The following RBBP4 variants were observed in gnomAD, a reference collection of about 807,000 sequenced individuals.
RBBP4 encodes RB binding protein 4, chromatin remodeling factor.
Under a neutral mutation model 57.2 loss-of-function variants are expected in RBBP4, and 3 were observed. That is an observed-to-expected ratio of 0.05 (90% CI 0.02 to 0.14). The LOEUF is 0.14. RBBP4 is among the 10% of genes least tolerant of loss of function. The pLI is 1.00. For synonymous variants in RBBP4, 151 were observed against 171.5 expected (o/e 0.88, Z 0.93); for missense variants, 107 against 520.6 (o/e 0.21, Z 7.73).
intron 3 of RBBP4, chr1:32,662,176 G>A (rs1307083708): frequency 3.2e-6 from 1 of 309,710 alleles, no homozygotes; most frequent in Non-Finnish European, 6.6e-6. Flanking sequence ...GAGCCACCGC[G>A]CCCGGGTTTT....
chr1:32,668,924 G>C (rs747765068), intron 5 of RBBP4, 48 bp from the exon 6 acceptor site: 3 of 1,612,696 alleles, frequency 1.9e-6, no homozygotes, highest in Admixed American at 1.7e-5. Flanking sequence ...GGGGTGTGTG[G>C]GGAGGTGAGA....
In RBBP4 at chr1:32,685,771, A is replaced by G. The variant is rs1206834833; in HGVS notation, c.*6066A>G. The G allele has an allele frequency of 6.6e-6, 1 of 152,272 alleles. No homozygotes were observed. The highest frequency in any genetic ancestry group is 1.9e-4 in the East Asian group (1 of 5,202). The allele number at this position is 152,272 out of a possible 1,614,324, so 9.4% of individuals were successfully genotyped here. ...GTACATGCTTGGAAAAGCAGTCTGCACCACCAGTGATAAGCTGTGACAGAG... is the reference window on the plus strand; with the variant it reads ...GTACATGCTTGGAAAAGCAGTCTGCGCCACCAGTGATAAGCTGTGACAGAG... On this transcript the variant is annotated 3_prime_UTR_variant, in exon 12 of 12. Coordinates refer to ENST00000373493, the MANE Select transcript of RBBP4 (RefSeq NM_005610.3).
chr1:32,683,796 C>G lies in RBBP4; in HGVS notation c.*4091C>G. 1 of 518,800 alleles carries G rather than the reference C, an allele frequency of 1.9e-6. No homozygotes were observed. 32.1% of individuals were successfully genotyped at this position (518,800 alleles called of 1,614,324 possible). ...TATAAGTGCCTGCCACTATGCCCGG[C>G]TAATTTTTGTATTTTTAGTGGAGAT... On this transcript the variant is annotated 3_prime_UTR_variant, in exon 12 of 12. Transcript: ENST00000373493.
intron 3 of RBBP4, among the ~76,000 whole-genome samples, chr1:32,661,624 A>G (rs1178211881): frequency 1.3e-5 from 2 of 151,716 alleles, no homozygotes; most frequent in Non-Finnish European, 2.9e-5. Flanking sequence ...ATCTCCACAG[A>G]CTGCTTTTCA....
At chr1:32,666,685 G>C (rs1648662248) in intron 3 of RBBP4, among the ~76,000 whole-genome samples, 1 of 152,158 alleles carries the variant, frequency 6.6e-6, no homozygotes, top group Non-Finnish European at 1.5e-5. Flanking sequence ...TGTTTTTGAA[G>C]TATGTGGGCG....
chr1:32,672,043 G>C (rs1177797468), intron 8 of RBBP4, among the ~76,000 whole-genome samples: 1 of 151,792 alleles, frequency 6.6e-6, no homozygotes, highest in Non-Finnish European at 1.5e-5. Flanking sequence ...ACCCAGGCTG[G>C]AGTGCAGTGG....
At chr1:32,672,554 A>G (rs768983534) in intron 9 of RBBP4, 28 bp downstream of exon 9, 9 of 1,594,808 alleles carry the variant, frequency 5.6e-6, no homozygotes, top group Non-Finnish European at 7.7e-6. Flanking sequence ...TCCTCTCTCT[A>G]CATAATTATT....
Position 32,669,704 on chromosome 1 carries a change from C to CCGAT in RBBP4, c.966+141_966+142insCGAT. The CCGAT allele has an allele frequency of 1.5e-6, 2 of 1,316,072 alleles. No individual in the cohort carries two copies. The highest frequency in any genetic ancestry group is 9.8e-7 in the Non-Finnish European group (1 of 1,020,168). 81.5% of individuals were successfully genotyped at this position (1,316,072 alleles called of 1,614,324 possible). A position where few individuals can be genotyped will look rare whatever the true frequency, so the allele number is the denominator to read the frequency against. On this transcript the variant is annotated intron_variant, in intron 8 of 11. Transcript: ENST00000373493. The surrounding 1 kb of genome is among the most constrained non-coding windows in gnomAD (Gnocchi z 4.9). ...AGGAGATCGAGACCATCCTGGCTAACACGGTGAAACCCTGTCTCTACTAAA... is the reference window on the plus strand; with the variant it reads ...AGGAGATCGAGACCATCCTGGCTAACCGATACGGTGAAACCCTGTCTCTACTAAA...
intron 3 of RBBP4, 77 bp from the exon 4 acceptor site, chr1:32,668,148 T>G: frequency 1.5e-6 from 2 of 1,365,112 alleles, no homozygotes. Flanking sequence ...AAAAAATCCT[T>G]TCCTGTGTTC....
chr1:32,679,124 CCA>C (rs1192115134), intron 11 of RBBP4, among the ~76,000 whole-genome samples: 6 of 152,020 alleles, frequency 3.9e-5, no homozygotes, highest in Admixed American at 3.9e-4. Context: ...TGGTGAAACC[CCA>C]TCTCTATTAA....
intron 3 of RBBP4, chr1:32,662,096 G>A (rs917920641): frequency 5.3e-6 from 1 of 189,160 alleles, no homozygotes; most frequent in African/African-American, 2.4e-5. Context: ...ATGTTGGCCA[G>A]GATGATCTCC....
At chr1:32,665,563 A>G (rs963704634) in intron 3 of RBBP4, among the ~76,000 whole-genome samples, 1 of 151,878 alleles carries the variant, frequency 6.6e-6, no homozygotes, top group Non-Finnish European at 1.5e-5. Context: ...CTGCAGTCCC[A>G]GCTACTCAGG....
At position 32,669,765 on chromosome 1, in the gene RBBP4, C is replaced by T. The variant is rs1268042899; in HGVS notation, c.966+202C>T. Among the ~76,000 whole-genome samples, 1 of 152,088 alleles carries T rather than the reference C, an allele frequency of 6.6e-6. No homozygotes were observed. The highest frequency in any genetic ancestry group is 1.9e-4 in the East Asian group (1 of 5,186). ...ATTAGCCGGGCATGGTGGCGGATGCCCGTAGTCCCAGCTACTCGGGAGGCT... is the reference window on the plus strand; with the variant it reads ...ATTAGCCGGGCATGGTGGCGGATGCTCGTAGTCCCAGCTACTCGGGAGGCT... On this transcript the variant is annotated intron_variant, in intron 8 of 11. Coordinates refer to ENST00000373493, the MANE Select transcript of RBBP4 (RefSeq NM_005610.3). The surrounding 1 kb of genome is among the most constrained non-coding windows in gnomAD (Gnocchi z 4.9).
intron 3 of RBBP4, among the ~76,000 whole-genome samples, chr1:32,663,261 G>A (rs1457775910): frequency 3.3e-5 from 5 of 151,998 alleles, no homozygotes; most frequent in Non-Finnish European, 5.9e-5. Flanking sequence ...ATCAAGCTAC[G>A]ACGATTTGTG....
intron 8 of RBBP4, among the ~76,000 whole-genome samples, chr1:32,670,896 G>C (rs187987709): frequency 6.6e-6 from 1 of 152,278 alleles, no homozygotes; most frequent in Admixed American, 6.5e-5. Flanking sequence ...TACATACTTA[G>C]TCTCTTATTT....
In RBBP4 at chr1:32,682,121, G is replaced by T; in HGVS notation, c.*2416G>T. ...TGAAATTCTGTAGTTTCATTTCTTTGGATTAGTCGTTGTCTTTTCCAGATT... is the reference window on the plus strand; with the variant it reads ...TGAAATTCTGTAGTTTCATTTCTTTTGATTAGTCGTTGTCTTTTCCAGATT... On this transcript the variant is annotated 3_prime_UTR_variant, in exon 12 of 12. Coordinates refer to ENST00000373493, the MANE Select transcript of RBBP4 (RefSeq NM_005610.3). 1 of 460,452 alleles carries T rather than the reference G, an allele frequency of 2.2e-6. No individual in the cohort carries two copies. The highest frequency in any genetic ancestry group is 2.6e-5 in the South Asian group (1 of 38,234). 28.5% of individuals were successfully genotyped at this position (460,452 alleles called of 1,614,324 possible).
chr1:32,680,682 A>G lies in RBBP4; in HGVS notation c.*977A>G, dbSNP rs1400644533. On this transcript the variant is annotated 3_prime_UTR_variant, in exon 12 of 12. Coordinates refer to ENST00000373493, the MANE Select transcript of RBBP4 (RefSeq NM_005610.3). ...CATGCTGATGGGTTTTATTTAGTAT[A>G]AAACATCCATCAAACACCAGTCTCT... 7.8e-6 allele frequency: 6 copies of G among 772,960 alleles called. No individual in the cohort carries two copies. Among genetic ancestry groups the G allele is most frequent in the Non-Finnish European group, 1.0e-5 (5 of 491,860 alleles). The allele number at this position is 772,960 out of a possible 1,614,324, so 47.9% of individuals were successfully genotyped here. A position where few individuals can be genotyped will look rare whatever the true frequency, so the allele number is the denominator to read the frequency against.
At position 32,684,637 on chromosome 1, in the gene RBBP4, G is replaced by T. The variant is rs1368770064; in HGVS notation, c.*4932G>T. 4 of 452,618 alleles carry T rather than the reference G, an allele frequency of 8.8e-6. No individual in the cohort carries two copies. Among genetic ancestry groups the T allele is most frequent in the Non-Finnish European group, 1.6e-5 (4 of 252,492 alleles). The allele number at this position is 452,618 out of a possible 1,614,324, so 28.0% of individuals were successfully genotyped here. On this transcript the variant is annotated 3_prime_UTR_variant, in exon 12 of 12. Transcript: ENST00000373493. ...AGCTTGCTTTAATAGAATCCTGGGA[G>T]GGTGATTGGGACTTTTTAGTATTAC... is the stretch of plus-strand genomic sequence containing the variant.
intron 2 of RBBP4, among the ~76,000 whole-genome samples, chr1:32,652,736 G>A (rs954461590): frequency 1.3e-5 from 2 of 152,042 alleles, no homozygotes. Context: ...GTAGAGACGG[G>A]GTTTTACCAT....
Sources: allele counts gnomAD v4.1 joint callset (sites outside exome capture counted in the v4.1 genomes callset), GRCh38; gene constraint gnomAD v4.1.1; non-coding constraint Gnocchi (gnomAD v3.1); transcripts MANE v1.5; gene names NCBI Gene and HGNC (gene_info 2026-07-23, HGNC 2026-07-21).